CPNE4: variants seen among roughly 807,000 people sequenced by gnomAD.
The protein encoded by CPNE4 is copine 4.
Under a neutral mutation model 67.9 loss-of-function variants are expected in CPNE4, and 25 were observed. That is an observed-to-expected ratio of 0.37 (90% CI 0.27 to 0.51). The LOEUF is 0.51. Ranked by LOEUF, CPNE4 falls within the 20% of genes least tolerant of loss-of-function variation. The probability of loss-of-function intolerance (pLI) is 0.93; values close to 1 mark genes in which losing one functional copy is unlikely to be tolerated. For synonymous variants in CPNE4, 242 were observed against 244.9 expected (o/e 0.99, Z 0.11); for missense variants, 464 against 690.8 (o/e 0.67, Z 3.68).
intron 7 of CPNE4, among the ~76,000 whole-genome samples, chr3:131,646,016 A>C (rs1453309101): frequency 6.6e-6 from 1 of 152,200 alleles, no homozygotes; most frequent in Admixed American, 6.5e-5. Flanking sequence ...TGCAGGGGTT[A>C]CTTTGTTCAG....
At chr3:131,728,896 C>G (rs1017789114) in intron 2 of CPNE4, among the ~76,000 whole-genome samples, 1 of 80,946 alleles carries the variant, frequency 1.2e-5, no homozygotes, top group Non-Finnish European at 2.5e-5. Flanking sequence ...GGCAACAGAG[C>G]CTCAAAAAAA....
At chr3:131,738,126 A>T (rs1268421776) in intron 2 of CPNE4, among the ~76,000 whole-genome samples, 1 of 152,224 alleles carries the variant, frequency 6.6e-6, no homozygotes, top group African/African-American at 2.4e-5. Flanking sequence ...AGTGCACAGG[A>T]TAGATATTCT....
chr3:131,608,438 G>A (rs1263315466), intron 7 of CPNE4, among the ~76,000 whole-genome samples: 2 of 152,122 alleles, frequency 1.3e-5, no homozygotes, highest in Non-Finnish European at 2.9e-5. Context: ...AAGGATGAAT[G>A]CAATGAAGCC....
intron 3 of CPNE4, among the ~76,000 whole-genome samples, chr3:131,709,369 G>A (rs1262479041): frequency 6.6e-6 from 1 of 152,156 alleles, no homozygotes; most frequent in Non-Finnish European, 1.5e-5. Flanking sequence ...CTCTAACAGA[G>A]CTGAAGGAGA....
chr3:131,799,421 C>T (rs2084011739), intron 2 of CPNE4, among the ~76,000 whole-genome samples: 1 of 152,120 alleles, frequency 6.6e-6, no homozygotes, highest in Admixed American at 6.6e-5. Flanking sequence ...CTCACTGAGC[C>T]TACCCTATGG....
At chr3:131,538,687 G>T (rs191608632) in intron 15 of CPNE4, 1 of 152,202 alleles carries the variant, frequency 6.6e-6, no homozygotes, top group South Asian at 2.1e-4. Flanking sequence ...AATGTGCTGG[G>T]AACTTAATGA....
intron 1 of CPNE4, among the ~76,000 whole-genome samples, chr3:131,949,906 T>A (rs1194614179): frequency 2.6e-5 from 4 of 152,192 alleles, no homozygotes; most frequent in African/African-American, 9.6e-5. Flanking sequence ...TATAACACAA[T>A]GTATTCATCC....
chr3:131,818,153 T>G (rs931876759), intron 2 of CPNE4, among the ~76,000 whole-genome samples: 2 of 151,806 alleles, frequency 1.3e-5, no homozygotes, highest in Non-Finnish European at 2.9e-5. Flanking sequence ...AAGAAATTGG[T>G]TTTTTTTGGG....
At chr3:131,626,970 G>C in intron 7 of CPNE4, among the ~76,000 whole-genome samples, 1 of 152,090 alleles carries the variant, frequency 6.6e-6, no homozygotes, top group East Asian at 1.9e-4. Context: ...TGAGGTGGGT[G>C]GATCACGAGG....
intron 1 of CPNE4, among the ~76,000 whole-genome samples, chr3:131,920,016 G>A (rs2070697595): frequency 6.6e-6 from 1 of 152,174 alleles, no homozygotes; most frequent in Non-Finnish European, 1.5e-5. Flanking sequence ...ATTGCAGTCA[G>A]CAGGTGTGAG....
At chr3:131,936,191 A>G (rs1461152) in intron 1 of CPNE4, among the ~76,000 whole-genome samples, 149,325 of 151,860 alleles carry the variant, frequency 0.98, 73,484 homozygotes, top group Middle Eastern at 1. Context: ...AAGCTACAGA[A>G]AATCAAAACA....
At chr3:131,697,119 G>A (rs887581595) in intron 4 of CPNE4, among the ~76,000 whole-genome samples, 6 of 152,140 alleles carry the variant, frequency 3.9e-5, no homozygotes, top group African/African-American at 1.2e-4. Flanking sequence ...ATGGGTATAC[G>A]TAAGGATTTA....
chr3:131,817,369 G>A (rs1458760773), intron 2 of CPNE4, among the ~76,000 whole-genome samples: 8 of 152,296 alleles, frequency 5.3e-5, no homozygotes, highest in South Asian at 2.1e-4. Context: ...AGGAAACAAC[G>A]GAAGGCCCTA....
intron 2 of CPNE4, among the ~76,000 whole-genome samples, chr3:131,736,430 G>C (rs1306891784): frequency 6.6e-6 from 1 of 151,816 alleles, no homozygotes; most frequent in East Asian, 1.9e-4. Flanking sequence ...GACCATGCTG[G>C]CCAGCATGGT....
At chr3:131,687,934 C>T (rs909668815) in intron 5 of CPNE4, among the ~76,000 whole-genome samples, 2 of 152,002 alleles carry the variant, frequency 1.3e-5, no homozygotes, top group African/African-American at 4.8e-5. Flanking sequence ...AGGGGGATAC[C>T]CCAAGTAATT....
rs569172324 is a variant in CPNE4, at chr3:131,861,580, G to A, written c.180+43684C>T. ...CAAGTAGTTGGGATTACAGGCGCCT[G>A]CCACCATGCTCGGCTAATTTTTTTG... is the stretch of plus-strand genomic sequence containing the variant. On this transcript the variant is annotated intron_variant, in intron 2 of 15. Coordinates refer to ENST00000429747, the MANE Select transcript of CPNE4 (RefSeq NM_130808.3). Among the ~76,000 whole-genome samples the A allele has an allele frequency of 1.8e-4, 27 of 152,128 alleles. No individual in the cohort carries two copies. In the South Asian group the frequency reaches 5.4e-3, roughly 30 times the overall value.
intron 2 of CPNE4, among the ~76,000 whole-genome samples, chr3:131,761,210 CTTTTTTTTT>C (rs151161125): frequency 8.4e-6 from 1 of 119,480 alleles, no homozygotes; most frequent in Admixed American, 9.0e-5. Context: ...TCACTTCGTA[CTTTTTTTTT>C]TTTTTTTTTT....
intron 1 of CPNE4, among the ~76,000 whole-genome samples, chr3:131,934,221 T>C (rs935011465): frequency 6.6e-6 from 1 of 152,152 alleles, no homozygotes; most frequent in Non-Finnish European, 1.5e-5. Context: ...GATTGTTGAC[T>C]TTAACAAGAT....
chr3:132,015,515 T>TCACACA (rs10662034), intron 1 of CPNE4, among the ~76,000 whole-genome samples: 1 of 150,756 alleles, frequency 6.6e-6, no homozygotes, highest in African/African-American at 2.4e-5. Flanking sequence ...ACATACACAC[T>TCACACA]CACACACACA....
Sources: gnomAD v4.1 joint callset for allele counts (sites outside exome capture counted in the v4.1 genomes callset) on GRCh38, gnomAD v4.1.1 for gene constraint, MANE v1.5 for transcripts, NCBI Gene and HGNC (gene_info 2026-07-23, HGNC 2026-07-21) for gene names.